The following DCAF6 variants were observed in gnomAD, a reference collection of about 807,000 sequenced individuals.
DCAF6 encodes the protein DDB1- and CUL4-associated factor 6.
A neutral mutation model predicts 125.1 loss-of-function variants in DCAF6; 54 were observed. The observed-to-expected ratio is 0.43, with a 90% CI of 0.35 to 0.54. The LOEUF (loss-of-function observed/expected upper bound fraction) is 0.54. DCAF6 is among the 20% of genes least tolerant of loss of function. DCAF6 has a pLI of 0.01. For missense variants in DCAF6, 934 were observed against 1,161.7 expected, an observed-to-expected ratio of 0.80 and a Z score of 2.85; for synonymous variants, 371 against 390.4, an observed-to-expected ratio of 0.95 and a Z score of 0.58.
chr1:167,940,718 A>T (rs561293463), intron 1 of DCAF6, among the ~76,000 whole-genome samples: 1 of 152,148 alleles, frequency 6.6e-6, no homozygotes, highest in African/African-American at 2.4e-5. Context: ...ATTTCAATAC[A>T]TTGCTTGTTT....
intron 17 of DCAF6, among the ~76,000 whole-genome samples, chr1:168,059,374 G>A (rs1365554519): frequency 6.6e-6 from 1 of 152,114 alleles, no homozygotes; most frequent in African/African-American, 2.4e-5. Flanking sequence ...CAGACAATTT[G>A]CCTGTCTCTC....
the DCAF6 span, chr1:167,893,903 C>T: frequency 5.0e-6 from 8 of 1,613,514 alleles, no homozygotes; most frequent in Non-Finnish European, 6.8e-6. Flanking sequence ...ATCTCCAGTT[C>T]AGGATCAGGC....
intron 21 of DCAF6, among the ~76,000 whole-genome samples, chr1:168,068,987 A>G (rs1440646336): frequency 6.6e-6 from 1 of 152,200 alleles, no homozygotes; most frequent in Non-Finnish European, 1.5e-5. Context: ...TAAGCAGAAT[A>G]TATTTATCAA....
intron 21 of DCAF6, among the ~76,000 whole-genome samples, chr1:168,074,114 C>T (rs1337214642): frequency 6.6e-6 from 1 of 151,556 alleles, no homozygotes; most frequent in Non-Finnish European, 1.5e-5. Flanking sequence ...ATTGGTTTGA[C>T]ATTGGATTAG....
At chr1:167,870,156 TATAG>T in the DCAF6 span, 1 of 1,290,760 alleles carries the variant, frequency 7.7e-7, no homozygotes, top group Non-Finnish European at 1.1e-6. Flanking sequence ...AATTGTAGGT[TATAG>T]ATAATTTACA....
At chr1:168,045,278 A>G (rs1256013806) in intron 16 of DCAF6, 51 bp downstream of exon 16, 2 of 1,481,926 alleles carry the variant, frequency 1.3e-6, no homozygotes, top group African/African-American at 1.4e-5. Context: ...TTTCACAAGG[A>G]TTTGTTTGAA....
At chr1:168,007,601 T>G (rs1683506784) in intron 10 of DCAF6, among the ~76,000 whole-genome samples, 1 of 152,226 alleles carries the variant, frequency 6.6e-6, no homozygotes, top group African/African-American at 2.4e-5. Flanking sequence ...CCGGTTGCAT[T>G]TAACATAGGC....
intron 5 of DCAF6, among the ~76,000 whole-genome samples, chr1:167,990,686 A>G (rs1339485554): frequency 1.3e-5 from 2 of 152,138 alleles, no homozygotes; most frequent in African/African-American, 4.8e-5. Context: ...AGTTTCTTGG[A>G]TTATTACCAT....
intron 10 of DCAF6, among the ~76,000 whole-genome samples, chr1:168,006,387 T>C (rs2103095675): frequency 6.6e-6 from 1 of 152,150 alleles, no homozygotes; most frequent in East Asian, 1.9e-4. Context: ...AACTGGGAGA[T>C]TATTGAGAGA....
the DCAF6 span, chr1:167,899,535 A>G: frequency 6.2e-7 from 1 of 1,614,240 alleles, no homozygotes; most frequent in South Asian, 1.1e-5. Context: ...GTTCTGGGCA[A>G]GGCGCACATC....
intron 12 of DCAF6, among the ~76,000 whole-genome samples, chr1:168,036,010 C>T (rs1431851225): frequency 2.0e-5 from 3 of 152,016 alleles, no homozygotes; most frequent in South Asian, 4.2e-4. Context: ...TGCAGTGGGC[C>T]GAGATCGCGC....
At chr1:168,026,990 G>A (rs553152154) in intron 12 of DCAF6, among the ~76,000 whole-genome samples, 46 of 152,124 alleles carry the variant, frequency 3.0e-4, no homozygotes, top group African/African-American at 1.0e-3. Flanking sequence ...AGAGAAGTAC[G>A]CAGGGCAGAA....
chr1:168,052,084 A>G (rs940703449), intron 17 of DCAF6, among the ~76,000 whole-genome samples: 1 of 152,034 alleles, frequency 6.6e-6, no homozygotes, highest in African/African-American at 2.4e-5. Context: ...GTTGGTCACC[A>G]TGTTGGCCAG....
chr1:167,893,750 A>G, the DCAF6 span: 17 of 644,442 alleles, frequency 2.6e-5, no homozygotes, highest in Non-Finnish European at 4.1e-5. Flanking sequence ...GGAACATTTT[A>G]CTATTTACTA....
chr1:168,045,142 G>A lies in DCAF6; in HGVS notation c.2173G>A (p.Asp725Asn). 1.9e-6 allele frequency: 3 copies of A among 1,613,990 alleles called. No homozygotes were observed. The highest frequency in any genetic ancestry group is 1.7e-5 in the Admixed American group (1 of 59,930). Residue 725 changes from aspartate to asparagine, a missense_variant, in exon 16 of 22, where the codon GAC becomes AAC. Asp to Asn is a conservative substitution (Grantham distance 23). Transcript: ENST00000367840. ...AGCTCATGAAGAAACATCCACCAGG[G>A]ACTCTGCTCTTCAGGACACAGATGA... ...PSAHEETSTR[D>N]SALQDTDDSD...
At chr1:167,905,324 G>A in the DCAF6 span, 1 of 745,770 alleles carries the variant, frequency 1.3e-6, no homozygotes, top group Non-Finnish European at 2.2e-6. Flanking sequence ...CAGAGTTGTT[G>A]AGCCACACTT....
At chr1:168,072,358 A>G (rs1303842858) in intron 21 of DCAF6, among the ~76,000 whole-genome samples, 3 of 150,330 alleles carry the variant, frequency 2.0e-5, no homozygotes, top group African/African-American at 7.4e-5. Context: ...CACTCAATCT[A>G]AAGTTGTTTT....
At chr1:167,885,389 A>G in the DCAF6 span, among the ~76,000 whole-genome samples, 1 of 152,132 alleles carries the variant, frequency 6.6e-6, no homozygotes, top group Non-Finnish European at 1.5e-5. Context: ...TGGCTGTGCT[A>G]ATTTACTTTC....
At chr1:167,892,778 C>A in the DCAF6 span, among the ~76,000 whole-genome samples, 1 of 152,262 alleles carries the variant, frequency 6.6e-6, no homozygotes, top group East Asian at 1.9e-4. Context: ...TCCTCCAGGA[C>A]ACAACAGCAT....
Sources: allele counts gnomAD v4.1 joint callset (sites outside exome capture counted in the v4.1 genomes callset), GRCh38; gene constraint gnomAD v4.1.1; transcripts MANE v1.5; gene names NCBI Gene and HGNC (gene_info 2026-07-23, HGNC 2026-07-21).